Variants in C16orf96 observed in about 807,000 individuals in gnomAD.
C16orf96 encodes the protein uncharacterized protein C16orf96.
Under a neutral mutation model 103.6 loss-of-function variants are expected in C16orf96, and 108 were observed. That is an observed-to-expected ratio of 1.04 (90% CI 0.89 to 1.22). The LOEUF (loss-of-function observed/expected upper bound fraction) is 1.22. Among genes scored for constraint, C16orf96 ranks in the 50% most tolerant of loss-of-function variants. The pLI is 0.00. For missense variants in C16orf96, 1,586 were observed against 1,464.2 expected, an observed-to-expected ratio of 1.08 and a Z score of -1.36; for synonymous variants, 566 against 593.5, an observed-to-expected ratio of 0.95 and a Z score of 0.67.
rs1428653586 is a variant in C16orf96 at position 4,600,087 on chromosome 16, T to C, written c.3209-13T>C. 6.5e-7 allele frequency: 1 copy of C among 1,549,692 alleles called. No individual in the cohort carries two copies. On this transcript the variant is annotated splice_polypyrimidine_tract_variant and intron_variant, in intron 15 of 15. Coordinates refer to ENST00000444310, the MANE Select transcript of C16orf96 (RefSeq NM_001145011.2). ...CTTGGCACACATCTAGGGTTTCTCC[T>C]GCCCCTCCCCAGCCCTGTGCCCCCG...
intron 8 of C16orf96, 150 bp from the exon 9 acceptor site, chr16:4,588,017 A>C: frequency 1.6e-6 from 1 of 616,562 alleles, no homozygotes; most frequent in Non-Finnish European, 2.6e-6. Context: ...TCGTGTTTGA[A>C]TCCACGTAGA....
intron 3 of C16orf96, 74 bp downstream of exon 3, chr16:4,574,863 G>T: frequency 6.6e-7 from 1 of 1,525,344 alleles, no homozygotes; most frequent in Non-Finnish European, 8.9e-7. Context: ...GGTGCTGAGG[G>T]TAGGGAGGTG....
At chr16:4,562,155 G>T (rs17830358) in intron 1 of C16orf96, among the ~76,000 whole-genome samples, 1 of 152,030 alleles carries the variant, frequency 6.6e-6, no homozygotes, top group South Asian at 2.1e-4. Context: ...ATGCCAATGG[G>T]GAATCAGTTC....
rs59843201 is a variant in C16orf96, at chr16:4,570,463, CTT to C, written c.421-1079_421-1078del. Among the ~76,000 whole-genome samples, 573 of 91,470 alleles carry C rather than the reference CTT, an allele frequency of 6.3e-3. 4 individuals carry two copies. The highest frequency in any genetic ancestry group is 0.016 in the African/African-American group (420 of 25,498). 60.0% of individuals were successfully genotyped at this position (91,470 alleles called of 152,430 possible). The stretch of plus-strand genomic sequence containing the variant: ...TCTTTCACACTGTTCTCACAACACG[CTT>C]TTTTTTTTTTTTTTTTTTAGATAGA... On this transcript the variant is annotated intron_variant, in intron 1 of 15. Transcript: ENST00000444310.
intron 2 of C16orf96, 56 bp from the exon 3 acceptor site, chr16:4,574,653 G>A: frequency 1.4e-6 from 2 of 1,410,052 alleles, no homozygotes; most frequent in Non-Finnish European, 2.0e-6. Context: ...CACGGGAAAA[G>A]GCAGGGGTGG....
Position 4,556,715 on chromosome 16 carries a change from A to T in C16orf96, c.226A>T (p.Arg76Trp). 1.9e-6 allele frequency: 3 copies of T among 1,551,674 alleles called. No homozygotes were observed. Among genetic ancestry groups the T allele is most frequent in the South Asian group, 2.4e-5 (2 of 84,062 alleles). ...DAQPILNPMKRLSNVFDHVVS... is the reference protein window; with the variant it reads ...DAQPILNPMKWLSNVFDHVVS... ...CCAGCCTATCCTCAACCCCATGAAG[A>T]GGCTCAGCAATGTCTTCGACCACGT... The change falls in exon 1 of 16, where the codon AGG becomes TGG. Residue 76 changes from arginine (R) to tryptophan (W), a missense_variant. Coordinates refer to ENST00000444310, the MANE Select transcript of C16orf96 (RefSeq NM_001145011.2).
chr16:4,574,643 C>T, intron 2 of C16orf96, 66 bp from the exon 3 acceptor site: 1 of 1,322,670 alleles, frequency 7.6e-7, no homozygotes, highest in Non-Finnish European at 1.1e-6. Flanking sequence ...CACCTAGAGC[C>T]ACGGGAAAAG....
At chr16:4,559,762 C>T (rs969665087) in intron 1 of C16orf96, among the ~76,000 whole-genome samples, 1 of 152,154 alleles carries the variant, frequency 6.6e-6, no homozygotes, top group African/African-American at 2.4e-5. Context: ...CTTTACTTCT[C>T]CTCCCTGCAA....
At chr16:4,547,579 T>TTCTCCTCTCC in the C16orf96 span, among the ~76,000 whole-genome samples, 1 of 151,674 alleles carries the variant, frequency 6.6e-6, no homozygotes, top group South Asian at 2.1e-4. Flanking sequence ...GGTACAGGTT[T>TTCTCCTCTCC]TCTCCTCTCC....
At chr16:4,563,600 G>T (rs962899165) in intron 1 of C16orf96, among the ~76,000 whole-genome samples, 11 of 151,112 alleles carry the variant, frequency 7.3e-5, no homozygotes, top group African/African-American at 2.7e-4. Flanking sequence ...ACGGAGTCTC[G>T]CTCTGTTGCC....
rs979655395 is a variant in C16orf96 at position 4,560,296 on chromosome 16, G to T, written c.420+3387G>T. ...AGCTCACTGCAACCTCTGCCTCCCA[G>T]GTTCAAGCAGTTCTTCTGCCTCAGC... On this transcript the variant is annotated intron_variant, in intron 1 of 15. Coordinates refer to ENST00000444310, the MANE Select transcript of C16orf96 (RefSeq NM_001145011.2). 2.0e-5 allele frequency: 3 copies of T among 152,164 alleles called. 1 individual carries two copies. The highest frequency in any genetic ancestry group is 7.2e-5 in the African/African-American group (3 of 41,440). The allele number at this position is 152,164 out of a possible 1,614,324, so 9.4% of individuals were successfully genotyped here. A position where few individuals can be genotyped will look rare whatever the true frequency, so the allele number is the denominator to read the frequency against.
intron 14 of C16orf96, 28 bp downstream of exon 14, chr16:4,594,831 C>T (rs932118452): frequency 2.6e-5 from 40 of 1,545,852 alleles, no homozygotes; most frequent in Non-Finnish European, 3.2e-5. Context: ...CCCTGGGGCA[C>T]CCTTGCCTGG....
intron 14 of C16orf96, among the ~76,000 whole-genome samples, 180 bp from the exon 15 acceptor site, chr16:4,599,102 GAA>G (rs60960622): frequency 2.8e-5 from 3 of 106,410 alleles, no homozygotes; most frequent in Non-Finnish European, 4.0e-5. Context: ...CCTGCCTCAA[GAA>G]AAAAAAAAAA....
At chr16:4,589,500 C>A (rs1477102465) in intron 9 of C16orf96, among the ~76,000 whole-genome samples, 1 of 151,556 alleles carries the variant, frequency 6.6e-6, no homozygotes, top group Non-Finnish European at 1.5e-5. Flanking sequence ...AATACCTGAG[C>A]CTGGGAGGTT....
chr16:4,558,720 T>A lies in C16orf96; in HGVS notation c.420+1811T>A, dbSNP rs543354580. On this transcript the variant is annotated intron_variant, in intron 1 of 15. Coordinates refer to ENST00000444310, the MANE Select transcript of C16orf96 (RefSeq NM_001145011.2). ...ACCTGAGGTGAGGAGTTCGAGACAATCCTGGCCAACATGGTGAAACCCTGT... is the reference window on the plus strand; with the variant it reads ...ACCTGAGGTGAGGAGTTCGAGACAAACCTGGCCAACATGGTGAAACCCTGT... Among the ~76,000 whole-genome samples the A allele has an allele frequency of 3.3e-5, 5 of 151,746 alleles. No homozygotes were observed. The East Asian group carries it at 9.7e-4, about 29-fold the overall frequency.
intron 15 of C16orf96, 47 bp downstream of exon 15, chr16:4,599,411 G>C (rs1255845293): frequency 6.7e-7 from 1 of 1,483,672 alleles, no homozygotes; most frequent in Non-Finnish European, 9.2e-7. Context: ...TTCTGGAAGG[G>C]TCTCCAGTCC....
chr16:4,543,848 G>A, the C16orf96 span, among the ~76,000 whole-genome samples: 2 of 151,998 alleles, frequency 1.3e-5, no homozygotes, highest in African/African-American at 2.4e-5. Flanking sequence ...CACCATGTTG[G>A]CCAGGCTGGT....
In C16orf96 at chr16:4,556,458, G is replaced by A. The variant is rs1436166930; in HGVS notation, c.-32G>A. ...TACCCCTTGTCCTTGAGGACACCTG[G>A]AACCCCAGCCCCACTGACCCACCCT... On this transcript the variant is annotated 5_prime_UTR_variant, in exon 1 of 16. Transcript: ENST00000444310. 2.0e-6 allele frequency: 3 copies of A among 1,491,146 alleles called. No homozygotes were observed. Among genetic ancestry groups the A allele is most frequent in the Non-Finnish European group, 2.7e-6 (3 of 1,113,378 alleles). 92.4% of individuals were successfully genotyped at this position (1,491,146 alleles called of 1,614,324 possible). A position where few individuals can be genotyped will look rare whatever the true frequency, so the allele number is the denominator to read the frequency against.
At chr16:4,594,921 C>A (rs1897140234) in intron 14 of C16orf96, 118 bp downstream of exon 14, 2 of 1,070,942 alleles carry the variant, frequency 1.9e-6, no homozygotes, top group Admixed American at 4.9e-5. Context: ...GGAGTCCTCA[C>A]ACAGTCAGTC....
Sources: gnomAD v4.1 joint callset for allele counts (sites outside exome capture counted in the v4.1 genomes callset) on GRCh38, gnomAD v4.1.1 for gene constraint, MANE v1.5 for transcripts, NCBI Gene and HGNC (gene_info 2026-07-23, HGNC 2026-07-21) for gene names.